Variants in RASGEF1A observed in about 807,000 individuals in gnomAD.
RASGEF1A encodes ras-GEF domain-containing family member 1A.
Under a neutral mutation model 56.4 loss-of-function variants are expected in RASGEF1A, and 18 were observed. That is an observed-to-expected ratio of 0.32 (90% confidence interval 0.22 to 0.47). The LOEUF is 0.47. RASGEF1A is among the 20% of genes least tolerant of loss of function. The pLI, the probability that RASGEF1A is intolerant of heterozygous loss-of-function variation, is 1.00. For synonymous variants in RASGEF1A, 245 were observed against 242.6 expected, an observed-to-expected ratio of 1.01 and a Z score of -0.09; for missense variants, 422 against 627.1, an observed-to-expected ratio of 0.67 and a Z score of 3.49.
At chr10:43,259,160 TC>T (rs1836482189) in intron 1 of RASGEF1A, among the ~76,000 whole-genome samples, 2 of 152,114 alleles carry the variant, frequency 1.3e-5, no homozygotes, top group South Asian at 4.1e-4. Flanking sequence ...CCACAGACAC[TC>T]ACAGTGACCC....
chr10:43,247,711 T>G lies in RASGEF1A; in HGVS notation c.-7+19134A>C, dbSNP rs1346244393. Among the ~76,000 whole-genome samples, 7 of 152,276 alleles carry G rather than the reference T, an allele frequency of 4.6e-5. No individual in the cohort carries two copies. The East Asian group carries it at 1.3e-3, about 29-fold the overall frequency. On this transcript the variant is annotated intron_variant, in intron 1 of 12. Transcript: ENST00000395810. Reference sequence around the variant, plus strand: ...TAGGCAAATTCATAGAGTCATAAAATAGATTAGTGGTTACCAGAAGCTGGT... The same window carrying G: ...TAGGCAAATTCATAGAGTCATAAAAGAGATTAGTGGTTACCAGAAGCTGGT...
At chr10:43,253,101 G>C (rs1290011809) in intron 1 of RASGEF1A, among the ~76,000 whole-genome samples, 1 of 152,168 alleles carries the variant, frequency 6.6e-6, no homozygotes, top group Non-Finnish European at 1.5e-5. Flanking sequence ...CCCACAGGCG[G>C]GGGTGCCCCC....
chr10:43,198,854 C>T (rs1564527653), intron 9 of RASGEF1A, 79 bp downstream of exon 9: 2 of 1,339,326 alleles, frequency 1.5e-6, no homozygotes, highest in Non-Finnish European at 1.1e-6. Flanking sequence ...CCCCCCACCC[C>T]CACTGTCAGG....
chr10:43,199,129 G>A lies in RASGEF1A; in HGVS notation c.915C>T (p.Phe305=), dbSNP rs780610320. 1.9e-6 allele frequency: 3 copies of A among 1,613,908 alleles called. No individual in the cohort carries two copies. The highest frequency in any genetic ancestry group is 2.2e-5 in the South Asian group (2 of 91,070). ...EFFIDVAREC[F]NIGNFNSMMA... is the part of the protein sequence containing the mutation. ...TCATGGAGTTGAAGTTCCCGATGTTGAAGCACTCCCGGGCCACATCAATGA... is the reference window on the plus strand; with the variant it reads ...TCATGGAGTTGAAGTTCCCGATGTTAAAGCACTCCCGGGCCACATCAATGA... Residue 305 remains phenylalanine (F), a synonymous_variant, in exon 8 of 13, where the codon TTC becomes TTT. Coordinates refer to ENST00000395810, the MANE Select transcript of RASGEF1A (RefSeq NM_145313.4).
chr10:43,199,739 G>A lies in RASGEF1A; in HGVS notation c.786C>T (p.Ser262=). The part of the protein sequence containing the change: ...RCRGDLTKTY[S]LEAYDNWFNC... ...TGAACCAGTTGTCATAGGCCTCCAG[G>A]CTGTAGGTCTTGGTCAGGTCCCCTC... The change falls in exon 7 of 13, where the codon AGC becomes AGT. Residue 262 remains serine, a synonymous_variant. Transcript: ENST00000395810. The A allele has an allele frequency of 6.2e-7, 1 of 1,613,686 alleles. No individual in the cohort carries two copies. Among genetic ancestry groups the A allele is most frequent in the Non-Finnish European group, 8.5e-7 (1 of 1,180,008 alleles).
intron 1 of RASGEF1A, among the ~76,000 whole-genome samples, chr10:43,263,028 G>A (rs541219284): frequency 2.6e-5 from 4 of 152,316 alleles, no homozygotes; most frequent in African/African-American, 9.6e-5. Context: ...AGGTTCAGGG[G>A]CGTGATGATG....
rs1016231793 is a variant in RASGEF1A at position 43,244,475 on chromosome 10, C to A, written c.-7+22370G>T. On this transcript the variant is annotated intron_variant, in intron 1 of 12. Transcript: ENST00000395810. ...ACCTAACAGACATCGACAGAACACT[C>A]CACTTAACAACAACAGAACACATAC... 2.1e-4 allele frequency among the ~76,000 whole-genome samples: 31 copies of A among 151,060 alleles called. 1 individual carries two copies. Among genetic ancestry groups the A allele is most frequent in the Non-Finnish European group, 8.9e-5 (6 of 67,638 alleles).
intron 1 of RASGEF1A, among the ~76,000 whole-genome samples, chr10:43,210,535 G>A (rs1294914758): frequency 6.6e-6 from 1 of 152,208 alleles, no homozygotes; most frequent in Non-Finnish European, 1.5e-5. Flanking sequence ...CCAGCACCAT[G>A]TGGGGATTTT....
At chr10:43,207,417 C>A in intron 1 of RASGEF1A, 3 of 983,650 alleles carry the variant, frequency 3.0e-6, no homozygotes, top group Non-Finnish European at 3.6e-6. Flanking sequence ...CACACACACA[C>A]ACACACACAC....
chr10:43,256,420 AG>A (rs1836406616), intron 1 of RASGEF1A, among the ~76,000 whole-genome samples: 2 of 152,330 alleles, frequency 1.3e-5, no homozygotes, highest in African/African-American at 4.8e-5. Context: ...AAAGAAGAAC[AG>A]GAACAGGAAC....
chr10:43,225,429 G>A (rs892726025), intron 1 of RASGEF1A, among the ~76,000 whole-genome samples: 6 of 151,588 alleles, frequency 4.0e-5, no homozygotes, highest in African/African-American at 1.2e-4. Context: ...CTGTGTCTGT[G>A]TCTCTGTATG....
chr10:43,244,473 C>T lies in RASGEF1A; in HGVS notation c.-7+22372G>A, dbSNP rs138911649. On this transcript the variant is annotated intron_variant, in intron 1 of 12. Transcript: ENST00000395810. ...AGACCTAACAGACATCGACAGAACACTCCACTTAACAACAACAGAACACAT... is the reference window on the plus strand; with the variant it reads ...AGACCTAACAGACATCGACAGAACATTCCACTTAACAACAACAGAACACAT... Among the ~76,000 whole-genome samples the T allele has an allele frequency of 1.1e-3, 163 of 151,172 alleles. 3 individuals are homozygous for T. In the East Asian group the frequency reaches 0.024, roughly 22 times the overall value.
intron 7 of RASGEF1A, 95 bp from the exon 8 acceptor site, chr10:43,199,289 G>T: frequency 1.1e-6 from 1 of 939,374 alleles, no homozygotes; most frequent in Non-Finnish European, 1.7e-6. Context: ...GGAGGACCTC[G>T]GGACTTAGCT....
chr10:43,218,095 G>A (rs937127112), intron 1 of RASGEF1A, among the ~76,000 whole-genome samples: 3 of 152,234 alleles, frequency 2.0e-5, no homozygotes, highest in Admixed American at 6.5e-5. Context: ...CCAGGCGACC[G>A]TGAGCACTAA....
At chr10:43,256,464 G>A (rs572708229) in intron 1 of RASGEF1A, among the ~76,000 whole-genome samples, 4 of 152,308 alleles carry the variant, frequency 2.6e-5, no homozygotes, top group African/African-American at 9.6e-5. Flanking sequence ...TGGGGGTGGA[G>A]GGGGTGGTGA....
intron 1 of RASGEF1A, among the ~76,000 whole-genome samples, chr10:43,239,526 T>C (rs924323358): frequency 1.3e-5 from 2 of 152,234 alleles, no homozygotes; most frequent in Non-Finnish European, 2.9e-5. Flanking sequence ...GGAGGATTTA[T>C]TCAAAAAACA....
intron 1 of RASGEF1A, among the ~76,000 whole-genome samples, chr10:43,227,625 G>A (rs1442570648): frequency 6.6e-6 from 1 of 152,142 alleles, no homozygotes; most frequent in Admixed American, 6.5e-5. Flanking sequence ...GGGTGGCCAG[G>A]AGGCAGGGCA....
chr10:43,254,590 C>G (rs1033019340), intron 1 of RASGEF1A, among the ~76,000 whole-genome samples: 1 of 152,216 alleles, frequency 6.6e-6, no homozygotes, highest in East Asian at 1.9e-4. Context: ...CAGGTCACAG[C>G]GCAGTGACAC....
At chr10:43,228,248 T>G (rs1840308944) in intron 1 of RASGEF1A, among the ~76,000 whole-genome samples, 1 of 152,038 alleles carries the variant, frequency 6.6e-6, no homozygotes, top group South Asian at 2.1e-4. Flanking sequence ...GCCCCCCGCA[T>G]AGCTCCCTCC....
Sources: allele counts gnomAD v4.1 joint callset (sites outside exome capture counted in the v4.1 genomes callset), GRCh38; gene constraint gnomAD v4.1.1; transcripts MANE v1.5; gene names NCBI Gene and HGNC (gene_info 2026-07-23, HGNC 2026-07-21).